ZNF841: variants seen among roughly 807,000 people sequenced by gnomAD.
ZNF841 encodes zinc finger protein 841.
A neutral mutation model predicts 13.0 loss-of-function variants in ZNF841; 11 were observed. That is an observed-to-expected ratio of 0.85 (90% CI 0.53 to 1.40). The LOEUF is 1.40. Among genes scored for constraint, ZNF841 ranks in the 40% most tolerant of loss-of-function variants. The pLI is 0.00. For missense variants in ZNF841, 1,068 were observed against 1,139.5 expected (o/e 0.94, Z 0.90); for synonymous variants, 369 against 381.6 (o/e 0.97, Z 0.38).
At position 52,065,315 on chromosome 19, in the gene ZNF841, T is replaced by C. The variant is rs1489287417; in HGVS notation, c.2567A>G (p.Lys856Arg). The C allele has an allele frequency of 1.9e-6, 3 of 1,611,902 alleles. No homozygotes were observed. The highest frequency in any genetic ancestry group is 2.7e-5 in the African/African-American group (2 of 75,026). ...GAGGCAAGACCGCCGCCCAAACGCC[T>C]TGCCACATTCCATACATTTGTATGG... Reference protein sequence around the residue: ...EKPYKCMECGKAFGRRSCLTK... With the variant: ...EKPYKCMECGRAFGRRSCLTK... The change falls in exon 7 of 7, where the codon AAG becomes AGG. Residue 856 changes from lysine (K) to arginine (R), a missense_variant. By Grantham distance (26) the Lys-to-Arg change is conservative. Coordinates refer to ENST00000594440, the MANE Select transcript of ZNF841 (RefSeq NM_001136499.2).
Position 52,069,855 on chromosome 19 carries a change from T to C in ZNF841, c.272-2245A>G, listed in dbSNP as rs887798688. ...ACCACCCTATCTATGGTATCTGATATAGCTAGTCATGCTGACTAAGGTAAA... is the reference window on the plus strand; with the variant it reads ...ACCACCCTATCTATGGTATCTGATACAGCTAGTCATGCTGACTAAGGTAAA... On this transcript the variant is annotated intron_variant, in intron 6 of 6. Transcript: ENST00000594440. 3.3e-5 allele frequency among the ~76,000 whole-genome samples: 5 copies of C among 152,204 alleles called. No homozygotes were observed. The South Asian group carries it at 1.0e-3, about 32-fold the overall frequency.
chr19:52,091,332 T>TA (rs1178841442), intron 2 of ZNF841, among the ~76,000 whole-genome samples: 4 of 151,822 alleles, frequency 2.6e-5, no homozygotes, highest in Non-Finnish European at 4.4e-5. Context: ...TTTTCACAGA[T>TA]AAAAAAAGAA....
chr19:52,061,889 G>A (rs1165526689), downstream of ZNF841, among the ~76,000 whole-genome samples: 2 of 152,078 alleles, frequency 1.3e-5, no homozygotes, highest in Non-Finnish European at 2.9e-5. Flanking sequence ...TAAGGGTGAA[G>A]AGCGACCATC....
At chr19:52,060,350 T>G (rs965054930), downstream of ZNF841, among the ~76,000 whole-genome samples, 1 of 152,168 alleles carries the variant, frequency 6.6e-6, no homozygotes, top group Non-Finnish European at 1.5e-5. Flanking sequence ...CCTTTCCAAC[T>G]GAGGACCCTC....
intron 6 of ZNF841, among the ~76,000 whole-genome samples, chr19:52,068,833 G>A (rs192248219): frequency 5.3e-5 from 8 of 152,106 alleles, no homozygotes; most frequent in South Asian, 2.1e-4. Context: ...TTAGCCAAGC[G>A]TGGTGATGCA....
intron 5 of ZNF841, chr19:52,076,496 C>T: frequency 3.3e-6 from 1 of 301,014 alleles, no homozygotes; most frequent in Non-Finnish European, 6.4e-6. Flanking sequence ...AACCCTGTCT[C>T]TACCTGGGCA....
intron 6 of ZNF841, among the ~76,000 whole-genome samples, chr19:52,070,723 TC>T (rs1436393327): frequency 6.6e-6 from 1 of 152,188 alleles, no homozygotes; most frequent in Non-Finnish European, 1.5e-5. Flanking sequence ...TATTCAGCCA[TC>T]CGTCATGAAT....
At chr19:52,062,813 G>C (rs1049531941), downstream of ZNF841, among the ~76,000 whole-genome samples, 1 of 151,986 alleles carries the variant, frequency 6.6e-6, no homozygotes, top group Admixed American at 6.6e-5. Context: ...AATCCTGGAT[G>C]GAGAAGCAGA....
In ZNF841 at chr19:52,066,921, C is replaced by T. The variant is rs899830085; in HGVS notation, c.961G>A (p.Val321Ile). 6 of 1,614,066 alleles carry T rather than the reference C, an allele frequency of 3.7e-6. No individual in the cohort carries two copies. The highest frequency in any genetic ancestry group is 3.3e-5 in the Admixed American group (2 of 60,010). ...TTTTGTCTGAAGATCCTGCCACATA[C>T]ATCACATTGGTATGGTTTCCCTCTT... Reference protein sequence around the residue: ...HTRGKPYQCDVCGRIFRQNSD... With the variant: ...HTRGKPYQCDICGRIFRQNSD... Residue 321 changes from valine (V) to isoleucine (I), a missense_variant, in exon 7 of 7, where the codon GTA (valine) becomes ATA (isoleucine). Coordinates refer to ENST00000594440, the MANE Select transcript of ZNF841 (RefSeq NM_001136499.2).
rs200379352 is a variant in ZNF841, at chr19:52,090,611, AAAAG to A, written c.-143-1613_-143-1610del. On this transcript the variant is annotated intron_variant, in intron 2 of 6. Coordinates refer to ENST00000594440, the MANE Select transcript of ZNF841 (RefSeq NM_001136499.2). Reference sequence around the variant, plus strand: ...AACAATGTGAGGCTGGTCTCTTAAAAAAAGAAAGAAAGAAAGAAAGAAGGAAGGA... The same window carrying A: ...AACAATGTGAGGCTGGTCTCTTAAAAAAAGAAAGAAAGAAAGAAGGAAGGA... Among the ~76,000 whole-genome samples the A allele has an allele frequency of 8.0e-3, 1,029 of 129,308 alleles. 13 individuals carry two copies. The highest frequency in any genetic ancestry group is 0.029 in the African/African-American group (970 of 32,990). 84.8% of individuals were successfully genotyped at this position (129,308 alleles called of 152,430 possible).
At chr19:52,061,434 AT>A (rs2087394762), downstream of ZNF841, among the ~76,000 whole-genome samples, 1 of 152,154 alleles carries the variant, frequency 6.6e-6, no homozygotes, top group Non-Finnish European at 1.5e-5. Flanking sequence ...TATGCACAGG[AT>A]TTTATGACCT....
chr19:52,069,360 C>T (rs1332850927), intron 6 of ZNF841, among the ~76,000 whole-genome samples: 1 of 152,180 alleles, frequency 6.6e-6, no homozygotes, highest in Non-Finnish European at 1.5e-5. Context: ...TAGGCATGAG[C>T]CACCGTGCCC....
chr19:52,076,968 G>A lies in ZNF841; in HGVS notation c.132C>T (p.Leu44=), dbSNP rs368816405. The change falls in exon 5 of 7, where the codon CTC becomes CTT. Residue 44 remains leucine, a synonymous_variant. Coordinates refer to ENST00000594440, the MANE Select transcript of ZNF841 (RefSeq NM_001136499.2). ...RDVMLENYRN[L]GFLGLCLPDL... is the part of the protein sequence containing the mutation. ...GAAAACTATCCTCACCCAGGAAGCC[G>A]AGGTTCCTGTAGTTCTCCAACATCA... The A allele has an allele frequency of 4.8e-5, 77 of 1,612,858 alleles. No individual in the cohort carries two copies. In the African/African-American group the frequency reaches 6.7e-4, roughly 14 times the overall value.
rs371694432 is a variant in ZNF841, at chr19:52,065,506, A to G, written c.2376T>C (p.Pro792=). The G allele has an allele frequency of 1.5e-5, 24 of 1,613,962 alleles. No homozygotes were observed. Among genetic ancestry groups the G allele is most frequent in the Admixed American group, 3.3e-5 (2 of 60,000 alleles). The change falls in exon 7 of 7, where the codon CCT becomes CCC. Residue 792 remains proline, a synonymous_variant. Coordinates refer to ENST00000594440, the MANE Select transcript of ZNF841 (RefSeq NM_001136499.2). ...CTTTGCCACACTCATTACATTTGTAAGGTTTCTCTCCAGTATGAATACTCC... is the reference window on the plus strand; with the variant it reads ...CTTTGCCACACTCATTACATTTGTAGGGTTTCTCTCCAGTATGAATACTCC... The part of the protein sequence containing the change: ...RHWSIHTGEK[P]YKCNECGKAF...
At chr19:52,088,406 TAAGA>T (rs1319400349) in intron 3 of ZNF841, among the ~76,000 whole-genome samples, 4 of 152,086 alleles carry the variant, frequency 2.6e-5, no homozygotes, top group African/African-American at 9.7e-5. Context: ...GTACCCTAAT[TAAGA>T]AAAAGGTATG....
chr19:52,095,012 C>T (rs1295949389), intron 1 of ZNF841, among the ~76,000 whole-genome samples: 1 of 152,118 alleles, frequency 6.6e-6, no homozygotes, highest in East Asian at 1.9e-4. Context: ...TTTCCTTTTG[C>T]TCCGTCGTTC....
At chr19:52,073,245 C>A (rs937385394) in intron 6 of ZNF841, among the ~76,000 whole-genome samples, 1 of 151,552 alleles carries the variant, frequency 6.6e-6, no homozygotes, top group African/African-American at 2.4e-5. Flanking sequence ...TACAAAAATT[C>A]TAGAAGAAAA....
intron 6 of ZNF841, among the ~76,000 whole-genome samples, chr19:52,067,956 G>A (rs2087635306): frequency 6.6e-6 from 1 of 151,810 alleles, no homozygotes; most frequent in Admixed American, 6.6e-5. Flanking sequence ...CTCATAATAG[G>A]AGAGAAAAAA....
chr19:52,079,443 A>AC, intron 4 of ZNF841, among the ~76,000 whole-genome samples: 1 of 151,292 alleles, frequency 6.6e-6, no homozygotes, highest in African/African-American at 2.4e-5. Context: ...AAAAAAAAAA[A>AC]AAAAAAAAAA....
Sources: gnomAD v4.1 joint callset for allele counts (sites outside exome capture counted in the v4.1 genomes callset) on GRCh38, gnomAD v4.1.1 for gene constraint, MANE v1.5 for transcripts, NCBI Gene and HGNC (gene_info 2026-07-23, HGNC 2026-07-21) for gene names.